FAAH2: variants seen among roughly 807,000 people sequenced by gnomAD.
FAAH2 encodes the protein fatty acid amide hydrolase 2.
A neutral mutation model predicts 36.9 loss-of-function variants in FAAH2; 60 were observed. That is an observed-to-expected ratio of 1.63 (90% CI 1.32 to 2.02). FAAH2 has a LOEUF of 2.02. Ranked by LOEUF, FAAH2 falls within the 30% of genes most tolerant of loss-of-function variation. The pLI, the probability that FAAH2 is intolerant of heterozygous loss-of-function variation, is 0.00. For missense variants in FAAH2, 689 were observed against 397.5 expected (o/e 1.73, Z -6.23); for synonymous variants, 214 against 143.8 (o/e 1.49, Z -3.49).
chrX:57,423,716 C>T (rs1208090163), intron 7 of FAAH2, among the ~76,000 whole-genome samples: 1 of 111,313 alleles, frequency 9.0e-6, no homozygotes, highest in Non-Finnish European at 1.9e-5. Context: ...GGTGCTTGTG[C>T]GTGCCATTGG....
In FAAH2 at chrX:57,393,459, C is replaced by T. The variant is rs1052017676; in HGVS notation, c.996+12430C>T. On this transcript the variant is annotated intron_variant, in intron 7 of 10. Coordinates refer to ENST00000374900, the MANE Select transcript of FAAH2 (RefSeq NM_174912.4). ...AATCCCGCCTCCGTCACTACAAACC[C>T]TTCTGGGCCAACAAGCTAGAGTGTG... The T allele has an allele frequency of 6.5e-6, 6 of 917,709 alleles. No homozygotes were observed. In the African/African-American group the frequency reaches 9.8e-5, roughly 15 times the overall value. 75.6% of individuals were successfully genotyped at this position (917,709 alleles called of 1,213,427 possible).
intron 6 of FAAH2, among the ~76,000 whole-genome samples, chrX:57,379,295 TA>T (rs753729424): frequency 1.9e-4 from 21 of 111,440 alleles, no homozygotes; most frequent in Admixed American, 1.5e-3. Context: ...TTTTATCTCA[TA>T]AAAAAATGCA....
chrX:57,431,594 T>G (rs1207444061), intron 7 of FAAH2, among the ~76,000 whole-genome samples: 1 of 110,806 alleles, frequency 9.0e-6, no homozygotes, highest in African/African-American at 3.3e-5. Context: ...ATTTGATGGA[T>G]TCTTTCAGAC....
chrX:57,347,428 C>A lies in FAAH2; in HGVS notation c.742+6038C>A, dbSNP rs145456344. Among the ~76,000 whole-genome samples the A allele has an allele frequency of 2.6e-4, 29 of 110,664 alleles. 1 individual carries two copies. The East Asian group carries it at 8.3e-3, about 32-fold the overall frequency. Reference sequence around the variant, plus strand: ...TTCCAGGAGGTCTGTTTGGTTCTTTCTTTAAATGGCTGTTTCATCTCTCAG... The same window carrying A: ...TTCCAGGAGGTCTGTTTGGTTCTTTATTTAAATGGCTGTTTCATCTCTCAG... On this transcript the variant is annotated intron_variant, in intron 5 of 10. Coordinates refer to ENST00000374900, the MANE Select transcript of FAAH2 (RefSeq NM_174912.4).
At chrX:57,262,001 G>A in the FAAH2 span, among the ~76,000 whole-genome samples, 1 of 73,095 alleles carries the variant, frequency 1.4e-5, no homozygotes, top group African/African-American at 1.8e-4. Flanking sequence ...TATTGTTTAC[G>A]TGACTTGGTG....
chrX:57,384,550 T>C (rs1426731147), intron 7 of FAAH2, among the ~76,000 whole-genome samples: 1 of 111,259 alleles, frequency 9.0e-6, no homozygotes, highest in African/African-American at 3.2e-5. Flanking sequence ...AAGACATTTA[T>C]GCAGCCAAAA....
chrX:57,379,541 T>G (rs1164105274), intron 6 of FAAH2, among the ~76,000 whole-genome samples: 1 of 107,950 alleles, frequency 9.3e-6, no homozygotes. Context: ...GCTCTCTCTC[T>G]CTCTCACACA....
intron 10 of FAAH2, among the ~76,000 whole-genome samples, chrX:57,477,069 G>C (rs997752714): frequency 9.1e-6 from 1 of 109,652 alleles, no homozygotes; most frequent in Non-Finnish European, 1.9e-5. Context: ...TTTTTATTAT[G>C]TCTATTTGTT....
intron 7 of FAAH2, among the ~76,000 whole-genome samples, chrX:57,381,233 A>G (rs2054840058): frequency 9.0e-6 from 1 of 111,488 alleles, no homozygotes; most frequent in Non-Finnish European, 1.9e-5. Context: ...GAGTACTTTG[A>G]AAATAAAGTA....
chrX:57,314,313 A>G (rs994608063), intron 3 of FAAH2, among the ~76,000 whole-genome samples: 1 of 111,259 alleles, frequency 9.0e-6, no homozygotes, highest in East Asian at 2.8e-4. Context: ...CCCCACTGAC[A>G]GTGTTAGACA....
chrX:57,295,089 A>C (rs2052095021), intron 2 of FAAH2, among the ~76,000 whole-genome samples: 1 of 111,859 alleles, frequency 8.9e-6, no homozygotes, highest in African/African-American at 3.2e-5. Context: ...GGACCAAGAC[A>C]TCTGTGAAGA....
At chrX:57,232,154 C>T in the FAAH2 span, among the ~76,000 whole-genome samples, 2 of 111,629 alleles carry the variant, frequency 1.8e-5, no homozygotes, top group Non-Finnish European at 3.8e-5. Context: ...AAGTGCTAGC[C>T]CCCTCAAGGA....
chrX:57,232,796 T>C, the FAAH2 span, among the ~76,000 whole-genome samples: 4 of 112,308 alleles, frequency 3.6e-5, no homozygotes, highest in East Asian at 2.8e-4. Flanking sequence ...ACAGCCTAGA[T>C]GGAACAAGCA....
chrX:57,479,829 A>G (rs2057345687), intron 10 of FAAH2, among the ~76,000 whole-genome samples: 1 of 111,112 alleles, frequency 9.0e-6, no homozygotes, highest in African/African-American at 3.3e-5. Flanking sequence ...AACCCACTTG[A>G]TCATGGTGGA....
chrX:57,154,496 C>T, the FAAH2 span, among the ~76,000 whole-genome samples: 1 of 109,559 alleles, frequency 9.1e-6, no homozygotes, highest in African/African-American at 3.3e-5. Context: ...TGGTCTCGAA[C>T]TCCTGACCTC....
At chrX:57,255,590 C>T in the FAAH2 span, among the ~76,000 whole-genome samples, 2 of 111,964 alleles carry the variant, frequency 1.8e-5, no homozygotes, top group African/African-American at 6.5e-5. Context: ...ATAAAGTAGG[C>T]TTCATTCCTG....
chrX:57,323,884 C>T lies in FAAH2; in HGVS notation c.413-7714C>T, dbSNP rs763366369. Among the ~76,000 whole-genome samples the T allele has an allele frequency of 7.2e-5, 8 of 110,662 alleles. No homozygotes were observed. The South Asian group carries it at 3.1e-3, about 43-fold the overall frequency. On this transcript the variant is annotated intron_variant, in intron 3 of 10. Transcript: ENST00000374900. ...TCAATTTTGGCTTTTGCTGCCATTG[C>T]TTTTCATGTTTTAGACATGAAGTCC...
chrX:57,204,925 G>A, the FAAH2 span, among the ~76,000 whole-genome samples: 3 of 112,379 alleles, frequency 2.7e-5, no homozygotes, highest in South Asian at 1.1e-3. Flanking sequence ...GAAAAATGTA[G>A]CTAGAGCTTG....
At chrX:57,194,982 T>C in the FAAH2 span, among the ~76,000 whole-genome samples, 1 of 111,433 alleles carries the variant, frequency 9.0e-6, no homozygotes, top group Admixed American at 9.6e-5. Flanking sequence ...TGTAAGTGTG[T>C]ATATATCACA....
Sources: allele counts gnomAD v4.1 joint callset (sites outside exome capture counted in the v4.1 genomes callset), GRCh38; gene constraint gnomAD v4.1.1; transcripts MANE v1.5; gene names NCBI Gene and HGNC (gene_info 2026-07-23, HGNC 2026-07-21).